The following RFTN1 variants were observed in gnomAD, a reference collection of about 807,000 sequenced individuals.
RFTN1 encodes the protein raftlin, lipid raft linker 1, also known as raftlin.
In RFTN1, 26 loss-of-function variants were observed where a neutral mutation model predicts 46.5. That is an observed-to-expected ratio of 0.56 (90% CI 0.41 to 0.78). RFTN1 has a LOEUF of 0.78. Among genes scored for constraint, RFTN1 ranks in the 30% least tolerant of loss-of-function variants. RFTN1 has a pLI of 0.00. For synonymous variants in RFTN1, 261 were observed against 284.2 expected (o/e 0.92, Z 0.82); for missense variants, 693 against 718.7 (o/e 0.96, Z 0.41).
chr3:16,339,712 T>G (rs539790434), intron 7 of RFTN1: 3 of 152,370 alleles, frequency 2.0e-5, no homozygotes, highest in African/African-American at 4.8e-5. Context: ...TTCCACATAT[T>G]GATCATGACT....
At chr3:16,453,415 A>G (rs1294081431) in intron 2 of RFTN1, among the ~76,000 whole-genome samples, 2 of 152,198 alleles carry the variant, frequency 1.3e-5, no homozygotes, top group African/African-American at 4.8e-5. Context: ...CAGCAAGTGA[A>G]TGTAGCAAGA....
rs1048533862 is a variant in RFTN1, at chr3:16,329,507, G to C, written c.1147-2631C>G. Among the ~76,000 whole-genome samples, 1 of 152,126 alleles carries C rather than the reference G, an allele frequency of 6.6e-6. No individual in the cohort carries two copies. The highest frequency in any genetic ancestry group is 1.5e-5 in the Non-Finnish European group (1 of 68,018). On this transcript the variant is annotated intron_variant, in intron 7 of 9. Coordinates refer to ENST00000334133, the MANE Select transcript of RFTN1 (RefSeq NM_015150.2). The surrounding 1 kb of genome is among the most constrained non-coding windows in gnomAD (Gnocchi z 4.5). ...CCTCTATCAGGCCAGAGATGGCCCA[G>C]CAGTTGTGACCATCCTTTCTGCCTG...
rs2075424897 is a variant in RFTN1, at chr3:16,433,021, T to C, written c.332+830A>G. Among the ~76,000 whole-genome samples, 1 of 152,238 alleles carries C rather than the reference T, an allele frequency of 6.6e-6. No individual in the cohort carries two copies. The highest frequency in any genetic ancestry group is 2.4e-5 in the African/African-American group (1 of 41,450). ...AGGAGAGAACAAGGAGGAGCTGCTCTGTACTCCCTTTTTAAAATGTGGCAC... is the reference window on the plus strand; with the variant it reads ...AGGAGAGAACAAGGAGGAGCTGCTCCGTACTCCCTTTTTAAAATGTGGCAC... On this transcript the variant is annotated intron_variant, in intron 3 of 9. Transcript: ENST00000334133. The surrounding 1 kb of genome is among the most constrained non-coding windows in gnomAD (Gnocchi z 4.4).
Position 16,480,022 on chromosome 3 carries a change from C to T in RFTN1, c.145+13703G>A, listed in dbSNP as rs898869427. On this transcript the variant is annotated intron_variant, in intron 2 of 9. Coordinates refer to ENST00000334133, the MANE Select transcript of RFTN1 (RefSeq NM_015150.2). The surrounding 1 kb of genome is among the most constrained non-coding windows in gnomAD (Gnocchi z 4.3). ...CCAGAATTTGGTGGGATGTTTCAGACGCTGTTTCCTACATTGAGAGACCTT... is the reference window on the plus strand; with the variant it reads ...CCAGAATTTGGTGGGATGTTTCAGATGCTGTTTCCTACATTGAGAGACCTT... 2.2e-4 allele frequency among the ~76,000 whole-genome samples: 34 copies of T among 152,312 alleles called. No homozygotes were observed. The highest frequency in any genetic ancestry group is 7.5e-4 in the African/African-American group (31 of 41,584).
At chr3:16,403,385 T>A (rs527650594) in intron 4 of RFTN1, among the ~76,000 whole-genome samples, 63 of 151,108 alleles carry the variant, frequency 4.2e-4, no homozygotes, top group African/African-American at 1.5e-3. Context: ...TGAGGATAAG[T>A]CTTCACAGGC....
chr3:16,438,801 G>T (rs2075565686), intron 2 of RFTN1, among the ~76,000 whole-genome samples: 2 of 152,006 alleles, frequency 1.3e-5, no homozygotes, highest in Non-Finnish European at 2.9e-5. Flanking sequence ...ATCACAGGCG[G>T]TGGCACTGGC....
rs1164011683 is a variant in RFTN1, at chr3:16,460,557, C to T, written c.146-26520G>A. On this transcript the variant is annotated intron_variant, in intron 2 of 9. Coordinates refer to ENST00000334133, the MANE Select transcript of RFTN1 (RefSeq NM_015150.2). The surrounding 1 kb of genome is among the most constrained non-coding windows in gnomAD (Gnocchi z 4.8). ...CAACAACCAACGCCGCTGTCCAAAA[C>T]CAAAACCTCACATTTCAAGCAGAGG... is the stretch of plus-strand genomic sequence containing the variant. Among the ~76,000 whole-genome samples, 1 of 152,108 alleles carries T rather than the reference C, an allele frequency of 6.6e-6. No homozygotes were observed. Among genetic ancestry groups the T allele is most frequent in the Non-Finnish European group, 1.5e-5 (1 of 68,024 alleles).
rs2070628897 is a variant in RFTN1 at position 16,334,204 on chromosome 3, CCT to C, written c.1147-7330_1147-7329del. On this transcript the variant is annotated intron_variant, in intron 7 of 9. Transcript: ENST00000334133. This position sits in a 1 kb window ranked among gnomAD's most constrained non-coding sequence, Gnocchi z 4.3. ...AACAAAAAACAACAACAAAAAATAC[CCT>C]GAGATACTATTTTTTCACCTATTGA... 6.6e-6 allele frequency among the ~76,000 whole-genome samples: 1 copy of C among 152,032 alleles called. No individual in the cohort carries two copies. The highest frequency in any genetic ancestry group is 2.4e-5 in the African/African-American group (1 of 41,400).
At position 16,421,833 on chromosome 3, in the gene RFTN1, T is replaced by C. The variant is rs149738394; in HGVS notation, c.332+12018A>G. On this transcript the variant is annotated intron_variant, in intron 3 of 9. Coordinates refer to ENST00000334133, the MANE Select transcript of RFTN1 (RefSeq NM_015150.2). The surrounding 1 kb of genome is among the most constrained non-coding windows in gnomAD (Gnocchi z 4.6). ...CATGTGTATATTTCATGAGAGTTAA[T>C]TTAGCTAAAATTACAAAAAGCGATC... Among the ~76,000 whole-genome samples the C allele has an allele frequency of 5.9e-5, 9 of 152,310 alleles. No individual in the cohort carries two copies. The East Asian group carries it at 1.7e-3, about 29-fold the overall frequency.
chr3:16,426,150 C>A lies in RFTN1; in HGVS notation c.332+7701G>T, dbSNP rs2075285690. 6.6e-6 allele frequency among the ~76,000 whole-genome samples: 1 copy of A among 152,192 alleles called. No homozygotes were observed. The highest frequency in any genetic ancestry group is 1.5e-5 in the Non-Finnish European group (1 of 68,042). ...TAGCACGCATCAATCAGTGCTAAAC[C>A]CACCGTTACTTTCTTCCCCACGTGT... is the stretch of plus-strand genomic sequence containing the variant. On this transcript the variant is annotated intron_variant, in intron 3 of 9. Transcript: ENST00000334133. This position sits in a 1 kb window ranked among gnomAD's most constrained non-coding sequence, Gnocchi z 5.9.
intron 2 of RFTN1, among the ~76,000 whole-genome samples, chr3:16,453,967 CA>C (rs1288494030): frequency 1.3e-5 from 2 of 152,124 alleles, no homozygotes; most frequent in Non-Finnish European, 2.9e-5. Context: ...CTCCATATCC[CA>C]GGACTTCCTT....
chr3:16,428,221 C>T lies in RFTN1; in HGVS notation c.332+5630G>A, dbSNP rs989819612. Among the ~76,000 whole-genome samples the T allele has an allele frequency of 6.6e-6, 1 of 152,152 alleles. No homozygotes were observed. Among genetic ancestry groups the T allele is most frequent in the South Asian group, 2.1e-4 (1 of 4,820 alleles). On this transcript the variant is annotated intron_variant, in intron 3 of 9. Coordinates refer to ENST00000334133, the MANE Select transcript of RFTN1 (RefSeq NM_015150.2). The surrounding 1 kb of genome is among the most constrained non-coding windows in gnomAD (Gnocchi z 4.7). ...CCCAGAATGAACTCGAGAAGGGAGG[C>T]GTGGAGTTCCTGTTCCCTCAATGCC...
Position 16,338,893 on chromosome 3 carries a change from A to C in RFTN1, c.1147-12017T>G, listed in dbSNP as rs921930448. ...CTGTCTGCAGGAATTCTAGAACCCA[A>C]AACTGTCAACGTTGTCCCCTCCACC... On this transcript the variant is annotated intron_variant, in intron 7 of 9. Transcript: ENST00000334133. This position sits in a 1 kb window ranked among gnomAD's most constrained non-coding sequence, Gnocchi z 5.3. Among the ~76,000 whole-genome samples, 7 of 152,220 alleles carry C rather than the reference A, an allele frequency of 4.6e-5. No homozygotes were observed. The highest frequency in any genetic ancestry group is 1.7e-4 in the African/African-American group (7 of 41,452).
chr3:16,421,732 G>C lies in RFTN1; in HGVS notation c.332+12119C>G, dbSNP rs1002288080. On this transcript the variant is annotated intron_variant, in intron 3 of 9. Coordinates refer to ENST00000334133, the MANE Select transcript of RFTN1 (RefSeq NM_015150.2). The surrounding 1 kb of genome is among the most constrained non-coding windows in gnomAD (Gnocchi z 4.6). ...GGTCAGTGTAGCCATTTCCACATGAGAGAGAGAAGGATTTTACATTTACAT... is the reference window on the plus strand; with the variant it reads ...GGTCAGTGTAGCCATTTCCACATGACAGAGAGAAGGATTTTACATTTACAT... Among the ~76,000 whole-genome samples the C allele has an allele frequency of 6.6e-6, 1 of 152,158 alleles. No individual in the cohort carries two copies. The highest frequency in any genetic ancestry group is 2.4e-5 in the African/African-American group (1 of 41,424).
rs560246447 is a variant in RFTN1 at position 16,336,082 on chromosome 3, G to T, written c.1147-9206C>A. ...ATGGAAAGTGGAGATCTAGAGGCAG[G>T]GTGGACAGGAATGCCAAGACAGAAA... On this transcript the variant is annotated intron_variant, in intron 7 of 9. Coordinates refer to ENST00000334133, the MANE Select transcript of RFTN1 (RefSeq NM_015150.2). The surrounding 1 kb of genome is among the most constrained non-coding windows in gnomAD (Gnocchi z 6.0). 3.9e-4 allele frequency among the ~76,000 whole-genome samples: 59 copies of T among 152,322 alleles called. 1 individual carries two copies. Among genetic ancestry groups the T allele is most frequent in the African/African-American group, 1.4e-3 (58 of 41,584 alleles).
intron 7 of RFTN1, 97 bp downstream of exon 7, chr3:16,357,835 G>A (rs2072550941): frequency 1.3e-6 from 1 of 762,198 alleles, no homozygotes; most frequent in Non-Finnish European, 2.3e-6. Context: ...TCAGAAGAAA[G>A]CCACAGCTGA....
intron 4 of RFTN1, among the ~76,000 whole-genome samples, chr3:16,396,881 G>A (rs1419162868): frequency 6.6e-6 from 1 of 152,064 alleles, no homozygotes; most frequent in Non-Finnish European, 1.5e-5. Flanking sequence ...TGGCCAACAT[G>A]GCGAAATCCC....
rs1487416109 is a variant in RFTN1, at chr3:16,498,628, T to C, written c.-8-4751A>G. Among the ~76,000 whole-genome samples the C allele has an allele frequency of 6.6e-6, 1 of 152,140 alleles. No individual in the cohort carries two copies. The highest frequency in any genetic ancestry group is 1.5e-5 in the Non-Finnish European group (1 of 68,012). ...AACTGTTTCTAAAGCACAGCCCTCT[T>C]TGGAAAGGGAGACACAGGAAGTAGT... On this transcript the variant is annotated intron_variant, in intron 1 of 9. Coordinates refer to ENST00000334133, the MANE Select transcript of RFTN1 (RefSeq NM_015150.2). The surrounding 1 kb of genome is among the most constrained non-coding windows in gnomAD (Gnocchi z 5.2).
chr3:16,417,018 T>C (rs1405100994), intron 3 of RFTN1, among the ~76,000 whole-genome samples: 2 of 150,304 alleles, frequency 1.3e-5, no homozygotes, highest in East Asian at 1.9e-4. Context: ...TCTTTTTTTT[T>C]TTTTTTTTGA....
Sources: allele counts gnomAD v4.1 joint callset (sites outside exome capture counted in the v4.1 genomes callset), GRCh38; gene constraint gnomAD v4.1.1; non-coding constraint Gnocchi (gnomAD v3.1); transcripts MANE v1.5; gene names NCBI Gene and HGNC (gene_info 2026-07-23, HGNC 2026-07-21).